CCDC40: variants seen among roughly 807,000 people sequenced by gnomAD.
CCDC40 encodes the protein coiled-coil domain-containing protein 40.
Under a neutral mutation model 124.5 loss-of-function variants are expected in CCDC40, and 104 were observed. The observed-to-expected ratio is 0.84, with a 90% CI of 0.71 to 0.98. The LOEUF (loss-of-function observed/expected upper bound fraction) is 0.98. Ranked by LOEUF, CCDC40 falls within the 50% of genes least tolerant of loss-of-function variation. The pLI is 0.00. For missense variants in CCDC40, 1,463 were observed against 1,503.9 expected (o/e 0.97, Z 0.45); for synonymous variants, 580 against 602.9 (o/e 0.96, Z 0.56).
intron 3 of CCDC40, among the ~76,000 whole-genome samples, chr17:80,040,750 A>T (rs980465032): frequency 6.6e-6 from 1 of 152,000 alleles, no homozygotes; most frequent in African/African-American, 2.4e-5. Flanking sequence ...AAATGCTGAG[A>T]GATCCTGGAC....
rs979088070 is a variant in CCDC40, at chr17:80,092,328, G to A, written c.2832+2444G>A. On this transcript the variant is annotated intron_variant, in intron 17 of 19. Transcript: ENST00000397545. The stretch of plus-strand genomic sequence containing the variant: ...TGGGATTACAGGTGTGAGCCACTGT[G>A]CCCAGCCAGCCCTACAAGTTTTGAT... Among the ~76,000 whole-genome samples the A allele has an allele frequency of 1.4e-4, 22 of 151,920 alleles. 1 individual carries two copies. The highest frequency in any genetic ancestry group is 3.3e-4 in the Admixed American group (5 of 15,270).
chr17:80,096,273 T>C (rs1382999085), intron 18 of CCDC40, among the ~76,000 whole-genome samples: 1 of 152,162 alleles, frequency 6.6e-6, no homozygotes, highest in Non-Finnish European at 1.5e-5. Flanking sequence ...TCCCAGAGCC[T>C]TGGTTTACTG....
At chr17:80,057,719 A>G (rs1327018117) in intron 7 of CCDC40, among the ~76,000 whole-genome samples, 2 of 151,962 alleles carry the variant, frequency 1.3e-5, no homozygotes, top group Non-Finnish European at 2.9e-5. Flanking sequence ...TACTAAAAAT[A>G]CAAAAAATTA....
chr17:80,088,180 A>C lies in CCDC40; in HGVS notation c.2711+78A>C, dbSNP rs12942049. On this transcript the variant is annotated intron_variant, in intron 16 of 19. Transcript: ENST00000397545. ...GGCCTCTGTCCGTTGAAGACCATGT[A>C]GGAGGCCAGGTGTGGCAGCTCACAC... 0.44 allele frequency: 421,745 copies of C among 966,644 alleles called. 96,597 individuals carry two copies. Among genetic ancestry groups the C allele is most frequent in the Middle Eastern group, 0.52 (2,539 of 4,864 alleles). 59.9% of individuals were successfully genotyped at this position (966,644 alleles called of 1,614,324 possible).
chr17:80,082,527 C>T (rs930488391), intron 12 of CCDC40, among the ~76,000 whole-genome samples: 63 of 152,124 alleles, frequency 4.1e-4, no homozygotes, highest in Admixed American at 4.0e-3. Context: ...TTGGAGGACC[C>T]CCAGAGGCTA....
At chr17:80,088,237 GTTGTTTTGTTTT>G (rs1234829697) in intron 16 of CCDC40, 135 bp downstream of exon 16, 25 of 726,164 alleles carry the variant, frequency 3.4e-5, no homozygotes, top group Middle Eastern at 2.3e-4. Flanking sequence ...ATTTTTTGTT[GTTGTTTTGTTTT>G]TTGTTTTGTT....
chr17:80,056,007 TATA>T lies in CCDC40; in HGVS notation c.1160-2486_1160-2484del, dbSNP rs1422802380. Among the ~76,000 whole-genome samples the T allele has an allele frequency of 1.4e-3, 58 of 41,754 alleles. 1 individual carries two copies. The highest frequency in any genetic ancestry group is 4.8e-3 in the African/African-American group (51 of 10,722). 27.4% of individuals were successfully genotyped at this position (41,754 alleles called of 152,430 possible). On this transcript the variant is annotated intron_variant, in intron 7 of 19. Coordinates refer to ENST00000397545, the MANE Select transcript of CCDC40 (RefSeq NM_017950.4). ...ATATATATATATATATATATATATATATATATATATTTTTTTTTTTTTTTGGTA... is the reference window on the plus strand; with the variant it reads ...ATATATATATATATATATATATATATTATATATTTTTTTTTTTTTTTGGTA...
intron 10 of CCDC40, chr17:80,067,681 A>G (rs1227435058): frequency 3.3e-6 from 5 of 1,535,696 alleles, no homozygotes; most frequent in Non-Finnish European, 3.5e-6. Flanking sequence ...CGCGAATGCT[A>G]ACGCTCACCA....
intron 3 of CCDC40, among the ~76,000 whole-genome samples, chr17:80,043,488 G>A (rs1288869169): frequency 1.1e-5 from 1 of 87,828 alleles, no homozygotes; most frequent in Admixed American, 9.1e-5. Flanking sequence ...TATATTTATT[G>A]GAACACACCC....
intron 9 of CCDC40, among the ~76,000 whole-genome samples, chr17:80,062,145 G>A (rs1370003138): frequency 1.3e-5 from 2 of 151,584 alleles, no homozygotes; most frequent in African/African-American, 4.9e-5. Context: ...AGACTCATGG[G>A]GGAGATGACG....
chr17:80,044,855 G>T (rs1335606132), intron 3 of CCDC40, among the ~76,000 whole-genome samples: 3 of 152,034 alleles, frequency 2.0e-5, no homozygotes, highest in African/African-American at 7.3e-5. Flanking sequence ...ACACTGGGAA[G>T]TAGTTTTCAA....
At chr17:80,094,863 C>T (rs1349925564) in intron 17 of CCDC40, among the ~76,000 whole-genome samples, 1 of 152,090 alleles carries the variant, frequency 6.6e-6, no homozygotes, top group African/African-American at 2.4e-5. Context: ...GGTCCTCCAC[C>T]CAAGCCAAGG....
chr17:80,068,640 T>A (rs1426278842), intron 10 of CCDC40, among the ~76,000 whole-genome samples: 2 of 151,700 alleles, frequency 1.3e-5, no homozygotes, highest in Non-Finnish European at 2.9e-5. Flanking sequence ...GGTGGCTGTC[T>A]GGGCATTTCT....
Position 80,067,723 on chromosome 17 carries a change from T to G in CCDC40, c.1562+2117T>G, listed in dbSNP as rs77402297. The G allele has an allele frequency of 2.8e-3, 4,294 of 1,523,228 alleles. 108 individuals carry two copies. The African/African-American group carries it at 0.054, about 19-fold the overall frequency. The allele number at this position is 1,523,228 out of a possible 1,614,324, so 94.4% of individuals were successfully genotyped here. ...TATATAGCCTTTTTTATATTGCCTATCAAGCCCGGAATGTCTGGGTCTAGC... is the reference window on the plus strand; with the variant it reads ...TATATAGCCTTTTTTATATTGCCTAGCAAGCCCGGAATGTCTGGGTCTAGC... On this transcript the variant is annotated intron_variant, in intron 10 of 19. Coordinates refer to ENST00000397545, the MANE Select transcript of CCDC40 (RefSeq NM_017950.4).
At chr17:80,089,268 G>T (rs1374026664) in intron 16 of CCDC40, among the ~76,000 whole-genome samples, 2 of 152,220 alleles carry the variant, frequency 1.3e-5, no homozygotes, top group African/African-American at 4.8e-5. Flanking sequence ...TGGTGTGGAG[G>T]CACCGTCCTT....
chr17:80,059,705 G>A (rs907427698), intron 9 of CCDC40, among the ~76,000 whole-genome samples: 5 of 151,806 alleles, frequency 3.3e-5, no homozygotes, highest in African/African-American at 4.8e-5. Context: ...GACTACAGGC[G>A]CCCACCTCCA....
chr17:80,063,720 G>A (rs1455954934), intron 9 of CCDC40, among the ~76,000 whole-genome samples: 1 of 152,188 alleles, frequency 6.6e-6, no homozygotes, highest in Non-Finnish European at 1.5e-5. Flanking sequence ...GGCTGGTCTC[G>A]GACCCCTGAC....
intron 7 of CCDC40, among the ~76,000 whole-genome samples, chr17:80,055,640 G>T (rs2037716158): frequency 6.6e-6 from 1 of 152,074 alleles, no homozygotes; most frequent in East Asian, 1.9e-4. Flanking sequence ...ACCCTCCGTG[G>T]TGAGATGTTT....
chr17:80,053,334 G>A (rs373046846), intron 7 of CCDC40, among the ~76,000 whole-genome samples: 3 of 152,336 alleles, frequency 2.0e-5, no homozygotes, highest in East Asian at 1.9e-4. Context: ...CCTGGGCTAC[G>A]CTTTCATCAA....
Sources: gnomAD v4.1 joint callset for allele counts (sites outside exome capture counted in the v4.1 genomes callset) on GRCh38, gnomAD v4.1.1 for gene constraint, MANE v1.5 for transcripts, NCBI Gene and HGNC (gene_info 2026-07-23, HGNC 2026-07-21) for gene names.